The following GSPT1 variants were observed in gnomAD, a reference collection of about 807,000 sequenced individuals.
The protein encoded by GSPT1 is G1 to S phase transition 1.
A neutral mutation model predicts 72.5 loss-of-function variants in GSPT1; 20 were observed. The observed-to-expected ratio is 0.28, with a 90% CI of 0.19 to 0.40. GSPT1 has a LOEUF of 0.40. Ranked by LOEUF, GSPT1 falls within the 10% of genes least tolerant of loss-of-function variation. The pLI, the probability that GSPT1 is intolerant of heterozygous loss-of-function variation, is 1.00. For missense variants in GSPT1, 580 were observed against 811.9 expected (o/e 0.71, Z 3.47); for synonymous variants, 334 against 293.5 (o/e 1.14, Z -1.41).
At chr16:11,881,634 AGCT>A (rs2054122973) in intron 11 of GSPT1, 1 of 142,826 alleles carries the variant, frequency 7.0e-6, no homozygotes, top group Admixed American at 7.1e-5. Flanking sequence ...GCAACCACCA[AGCT>A]GCCTTACACT....
intron 1 of GSPT1, among the ~76,000 whole-genome samples, chr16:11,910,739 G>A (rs994579140): frequency 1.2e-4 from 19 of 152,126 alleles, no homozygotes; most frequent in African/African-American, 4.6e-4. Context: ...GTCTTTTCAC[G>A]CTGTGCAACT....
rs1473986166 is a variant in GSPT1, at chr16:11,892,234, T to G, written c.699-1095A>C. Among the ~76,000 whole-genome samples the G allele has an allele frequency of 2.6e-5, 4 of 151,640 alleles. No individual in the cohort carries two copies. The East Asian group carries it at 7.9e-4, about 30-fold the overall frequency. ...GATGCATGCCTGTATTCCTAGCTAC[T>G]TGGGAGGCTGAAGTGAGAGGATCAC... is the stretch of plus-strand genomic sequence containing the variant. On this transcript the variant is annotated intron_variant, in intron 5 of 14. Transcript: ENST00000434724.
chr16:11,904,376 G>C (rs896700536), intron 1 of GSPT1, among the ~76,000 whole-genome samples: 1 of 151,920 alleles, frequency 6.6e-6, no homozygotes, highest in Non-Finnish European at 1.5e-5. Flanking sequence ...GTAATTTTTT[G>C]TATTTTTAGT....
intron 6 of GSPT1, 77 bp from the exon 7 acceptor site, chr16:11,887,827 A>ATCTT: frequency 7.3e-6 from 7 of 954,880 alleles, no homozygotes; most frequent in Non-Finnish European, 1.1e-5. Flanking sequence ...CATTAAAGAT[A>ATCTT]TAATGGATGA....
intron 14 of GSPT1, 29 bp downstream of exon 14, chr16:11,875,732 C>G (rs913949538): frequency 6.5e-7 from 1 of 1,546,236 alleles, no homozygotes; most frequent in Admixed American, 2.0e-5. Context: ...CCTGGATATA[C>G]TACTAGACGT....
chr16:11,875,752 A>C lies in GSPT1; in HGVS notation c.1861+9T>G. On this transcript the variant is annotated intron_variant, in intron 14 of 14. Coordinates refer to ENST00000434724, the MANE Select transcript of GSPT1 (RefSeq NM_002094.4). ...ATATACTACTAGACGTCAGTTTAAA[A>C]GCTCTTACCCTCATCTCTTAAGGTG... 6.3e-7 allele frequency: 1 copy of C among 1,591,410 alleles called. No individual in the cohort carries two copies. The highest frequency in any genetic ancestry group is 8.5e-7 in the Non-Finnish European group (1 of 1,172,326).
chr16:11,887,690 T>A lies in GSPT1; in HGVS notation c.837A>T (p.Glu279Asp). Residue 279 changes from glutamate to aspartate, a missense_variant, in exon 7 of 15, where the codon GAA becomes GAT. Physicochemically the swap from Glu to Asp is conservative, Grantham distance 45. Transcript: ENST00000434724. ...CGGTTTCAAAATAGGCACGACCCAC[T>A]TCTACTGTTTTACCCTTGTCTCGTT... Reference protein sequence around the residue: ...QEERDKGKTVEVGRAYFETEK... With the variant: ...QEERDKGKTVDVGRAYFETEK... The A allele has an allele frequency of 6.2e-7, 1 of 1,613,320 alleles. No individual in the cohort carries two copies. The highest frequency in any genetic ancestry group is 8.5e-7 in the Non-Finnish European group (1 of 1,179,288).
chr16:11,896,883 G>A, intron 3 of GSPT1, 98 bp from the exon 4 acceptor site: 1 of 795,068 alleles, frequency 1.3e-6, no homozygotes, highest in South Asian at 1.7e-5. Context: ...GTTTGCATAT[G>A]TAGTTCCATT....
intron 11 of GSPT1, among the ~76,000 whole-genome samples, chr16:11,879,687 C>A (rs150192796): frequency 7.1e-6 from 1 of 141,478 alleles, no homozygotes; most frequent in East Asian, 2.1e-4. Context: ...CGCAGTGAGC[C>A]GAGATCACAC....
intron 10 of GSPT1, 68 bp from the exon 11 acceptor site, chr16:11,883,163 A>C (rs1012856288): frequency 1.1e-6 from 1 of 927,102 alleles, no homozygotes; most frequent in African/African-American, 1.6e-5. Flanking sequence ...AATAGCCCAA[A>C]GTGAAATTCT....
intron 1 of GSPT1, among the ~76,000 whole-genome samples, chr16:11,898,640 G>T (rs966544222): frequency 1.3e-5 from 2 of 151,918 alleles, no homozygotes; most frequent in African/African-American, 2.4e-5. Flanking sequence ...TAGTAGAGAT[G>T]GGGTTTCGCC....
intron 5 of GSPT1, among the ~76,000 whole-genome samples, chr16:11,893,618 C>T (rs1253154162): frequency 6.6e-6 from 1 of 152,160 alleles, no homozygotes; most frequent in Non-Finnish European, 1.5e-5. Flanking sequence ...TTCCCTATAG[C>T]TTTCATCTGT....
intron 10 of GSPT1, among the ~76,000 whole-genome samples, chr16:11,884,685 A>C (rs1008726276): frequency 6.6e-6 from 1 of 150,968 alleles, no homozygotes; most frequent in African/African-American, 2.4e-5. Context: ...AATCTCTTGA[A>C]CCTGGGAGGC....
upstream of GSPT1, among the ~76,000 whole-genome samples, chr16:11,916,314 T>C (rs940808398): frequency 6.6e-6 from 1 of 152,208 alleles, no homozygotes; most frequent in African/African-American, 2.4e-5. Context: ...TGCAGCTCTG[T>C]GCTGGGCCGA....
At chr16:11,912,299 G>A (rs1431049521) in intron 1 of GSPT1, among the ~76,000 whole-genome samples, 2 of 143,898 alleles carry the variant, frequency 1.4e-5, no homozygotes, top group Non-Finnish European at 3.0e-5. Flanking sequence ...AGTCAGCCGA[G>A]ATCGTGCCAT....
intron 1 of GSPT1, among the ~76,000 whole-genome samples, chr16:11,900,749 T>C (rs879470589): frequency 2.0e-5 from 3 of 152,114 alleles, no homozygotes; most frequent in Admixed American, 2.0e-4. Flanking sequence ...CACTCTCAAG[T>C]GTATCACTAA....
chr16:11,912,758 T>C (rs2054576706), intron 1 of GSPT1, among the ~76,000 whole-genome samples: 2 of 152,262 alleles, frequency 1.3e-5, no homozygotes, highest in South Asian at 2.1e-4. Flanking sequence ...TTGTCTTCTA[T>C]ATTTTTATTC....
At chr16:11,879,535 C>A (rs2054093941) in intron 11 of GSPT1, among the ~76,000 whole-genome samples, 2 of 152,060 alleles carry the variant, frequency 1.3e-5, no homozygotes, top group African/African-American at 2.4e-5. Context: ...AAGTTCAAGA[C>A]CAGCCTGGCC....
chr16:11,895,139 T>A, intron 4 of GSPT1, 152 bp from the exon 5 acceptor site: 1 of 580,318 alleles, frequency 1.7e-6, no homozygotes, highest in Non-Finnish European at 3.2e-6. Context: ...CTTTTGAAAA[T>A]GAGCCTCAAG....
Sources: allele counts gnomAD v4.1 joint callset (sites outside exome capture counted in the v4.1 genomes callset), GRCh38; gene constraint gnomAD v4.1.1; transcripts MANE v1.5; gene names NCBI Gene and HGNC (gene_info 2026-07-23, HGNC 2026-07-21).